Variants in CWH43 observed in about 807,000 individuals in gnomAD.
CWH43 encodes the protein cell wall biogenesis 43 C-terminal homolog, also known as PGAP2-interacting protein.
In CWH43, 91 loss-of-function variants were observed where a neutral mutation model predicts 85.7. The observed-to-expected ratio is 1.06, with a 90% CI of 0.90 to 1.26. The LOEUF (loss-of-function observed/expected upper bound fraction) is 1.26. Among genes scored for constraint, CWH43 ranks in the 50% most tolerant of loss-of-function variants. The probability of loss-of-function intolerance (pLI) is 0.00; values close to 1 mark genes in which losing one functional copy is unlikely to be tolerated. For missense variants in CWH43, 869 were observed against 839.2 expected, an observed-to-expected ratio of 1.04 and a Z score of -0.44; for synonymous variants, 323 against 293.6, an observed-to-expected ratio of 1.10 and a Z score of -1.02.
intron 9 of CWH43, among the ~76,000 whole-genome samples, chr4:49,025,154 C>T (rs1396438041): frequency 6.6e-6 from 1 of 151,970 alleles, no homozygotes; most frequent in African/African-American, 2.4e-5. Flanking sequence ...CTGAGATTTT[C>T]CAGTGCATTT....
At chr4:49,030,998 T>A (rs1784078915) in intron 11 of CWH43, 38 bp downstream of exon 11, 5 of 1,538,866 alleles carry the variant, frequency 3.2e-6, no homozygotes, top group Non-Finnish European at 4.3e-6. Context: ...AAGATAGTCA[T>A]GAAAGGCTAG....
chr4:48,988,394 C>T (rs991310331), intron 1 of CWH43, 83 bp from the exon 2 acceptor site: 32 of 1,056,828 alleles, frequency 3.0e-5, no homozygotes, highest in African/African-American at 6.4e-5. Context: ...CCAGCCCAAG[C>T]GGCTGGAGTG....
At chr4:48,993,886 C>T (rs1270187291) in intron 4 of CWH43, among the ~76,000 whole-genome samples, 1 of 152,040 alleles carries the variant, frequency 6.6e-6, no homozygotes, top group Non-Finnish European at 1.5e-5. Context: ...TCCCGAGTAG[C>T]TGGGATTACA....
chr4:49,004,091 A>C (rs1783079499), intron 7 of CWH43, 99 bp downstream of exon 7: 4 of 1,070,708 alleles, frequency 3.7e-6, no homozygotes, highest in Non-Finnish European at 3.9e-6. Context: ...GGAAATAAGC[A>C]GGATGATCTA....
chr4:49,041,914 G>T (rs546971993), intron 13 of CWH43, among the ~76,000 whole-genome samples: 1 of 152,298 alleles, frequency 6.6e-6, no homozygotes, highest in African/African-American at 2.4e-5. Context: ...ATACTTTGCT[G>T]TACAGAAAGT....
Position 49,004,016 on chromosome 4 carries a change from A to T in CWH43, c.1060+24A>T, listed in dbSNP as rs781680450. 6 of 1,581,530 alleles carry T rather than the reference A, an allele frequency of 3.8e-6. No homozygotes were observed. In the South Asian group the frequency reaches 6.9e-5, roughly 18 times the overall value. ...GGGTGAGTACATTTGAAAGGTCTGG[A>T]TTAAAATAATTGCTCAAAAATATCC... On this transcript the variant is annotated intron_variant, in intron 7 of 15. Coordinates refer to ENST00000226432, the MANE Select transcript of CWH43 (RefSeq NM_025087.3).
chr4:49,029,869 C>A (rs1249981693), intron 10 of CWH43, among the ~76,000 whole-genome samples: 1 of 152,224 alleles, frequency 6.6e-6, no homozygotes, highest in Non-Finnish European at 1.5e-5. Flanking sequence ...CCACTATCAC[C>A]TTGTTCTCCT....
chr4:49,059,668 T>C (rs1423240306), intron 15 of CWH43, among the ~76,000 whole-genome samples: 1 of 152,214 alleles, frequency 6.6e-6, no homozygotes, highest in Non-Finnish European at 1.5e-5. Flanking sequence ...GGTGGACTTA[T>C]GCTAGAGTTC....
intron 7 of CWH43, among the ~76,000 whole-genome samples, chr4:49,005,152 A>G (rs781028433): frequency 9.2e-5 from 14 of 152,192 alleles, no homozygotes; most frequent in Non-Finnish European, 1.6e-4. Context: ...AAAAAAAATG[A>G]TCATGTACCT....
At chr4:49,044,964 A>G (rs1784577664) in intron 14 of CWH43, 117 bp downstream of exon 14, 1 of 737,330 alleles carries the variant, frequency 1.4e-6, no homozygotes, top group South Asian at 1.7e-5. Context: ...TTTTATAAAA[A>G]GCAATCAATG....
intron 9 of CWH43, among the ~76,000 whole-genome samples, chr4:49,018,260 G>A (rs1022108101): frequency 6.6e-6 from 1 of 151,966 alleles, no homozygotes; most frequent in African/African-American, 2.4e-5. Flanking sequence ...CGAGGGTGTG[G>A]TGCTAAACCA....
chr4:48,998,549 G>A lies in CWH43; in HGVS notation c.802+1G>A. On this transcript the variant is annotated splice_donor_variant, in intron 6 of 15. Transcript: ENST00000226432. LOFTEE classifies it high-confidence loss of function. ...ACTGGTTTGATCTGGTGGGTTACAG[G>A]TATGTGGAATTTACCTGCAGATAGA... is the stretch of plus-strand genomic sequence containing the variant. The A allele has an allele frequency of 6.2e-7, 1 of 1,611,352 alleles. No homozygotes were observed. The highest frequency in any genetic ancestry group is 8.5e-7 in the Non-Finnish European group (1 of 1,177,544).
rs574709247 is a variant in CWH43 at position 49,009,103 on chromosome 4, A to G, written c.1186+1777A>G. Among the ~76,000 whole-genome samples the G allele has an allele frequency of 6.6e-5, 10 of 152,336 alleles. No homozygotes were observed. In the East Asian group the frequency reaches 1.9e-3, roughly 29 times the overall value. Reference sequence around the variant, plus strand: ...TTCATGATATTGATTCTTCCTATCCATGAGCATGGAATATTCTTCCATTTG... The same window carrying G: ...TTCATGATATTGATTCTTCCTATCCGTGAGCATGGAATATTCTTCCATTTG... On this transcript the variant is annotated intron_variant, in intron 8 of 15. Coordinates refer to ENST00000226432, the MANE Select transcript of CWH43 (RefSeq NM_025087.3).
chr4:48,994,030 G>A (rs1782736143), intron 4 of CWH43, among the ~76,000 whole-genome samples: 2 of 152,128 alleles, frequency 1.3e-5, no homozygotes, highest in Admixed American at 1.3e-4. Context: ...CCAAAGTGCT[G>A]GGATTACAGG....
intron 7 of CWH43, among the ~76,000 whole-genome samples, chr4:49,005,588 C>G (rs920803679): frequency 3.1e-5 from 4 of 127,498 alleles, no homozygotes; most frequent in African/African-American, 1.2e-4. Flanking sequence ...GAGACAGGGT[C>G]TTGTTCTGTT....
At chr4:49,012,377 A>G (rs1450987520) in intron 8 of CWH43, among the ~76,000 whole-genome samples, 7 of 152,060 alleles carry the variant, frequency 4.6e-5, no homozygotes, top group Non-Finnish European at 1.0e-4. Flanking sequence ...TTCGTCTAAC[A>G]TTTTTCAAGG....
rs141051210 is a variant in CWH43, at chr4:49,003,600, G to C, written c.803-135G>C. The stretch of plus-strand genomic sequence containing the variant: ...TAGGCAAATCACATTAACCTTGTCA[G>C]ATCTTAGTTTTCTCATCTGTCTGGA... On this transcript the variant is annotated intron_variant, in intron 6 of 15. Transcript: ENST00000226432. The C allele has an allele frequency of 1.1e-3, 858 of 816,928 alleles. 8 individuals carry two copies. In the East Asian group the frequency reaches 0.019, roughly 18 times the overall value. 50.6% of individuals were successfully genotyped at this position (816,928 alleles called of 1,614,324 possible).
At chr4:49,015,152 T>G (rs967571332) in intron 8 of CWH43, among the ~76,000 whole-genome samples, 1 of 152,184 alleles carries the variant, frequency 6.6e-6, no homozygotes, top group Non-Finnish European at 1.5e-5. Context: ...TACCATGATT[T>G]CTGAATGTAT....
intron 13 of CWH43, among the ~76,000 whole-genome samples, chr4:49,040,926 T>C (rs1354751776): frequency 6.6e-6 from 1 of 152,240 alleles, no homozygotes; most frequent in Non-Finnish European, 1.5e-5. Flanking sequence ...TTGTATAAGA[T>C]GTAAGGAAGG....
Sources: gnomAD v4.1 joint callset for allele counts (sites outside exome capture counted in the v4.1 genomes callset) on GRCh38, gnomAD v4.1.1 for gene constraint, MANE v1.5 for transcripts, NCBI Gene and HGNC (gene_info 2026-07-23, HGNC 2026-07-21) for gene names.